The following SNX29 variants were observed in gnomAD, a reference collection of about 807,000 sequenced individuals.
SNX29 encodes sorting nexin-29.
A neutral mutation model predicts 102.1 loss-of-function variants in SNX29; 78 were observed. That is an observed-to-expected ratio of 0.76 (90% CI 0.64 to 0.92). The LOEUF is 0.92. Among genes scored for constraint, SNX29 ranks in the 40% least tolerant of loss-of-function variants. The pLI, the probability that SNX29 is intolerant of heterozygous loss-of-function variation, is 0.00. For missense variants in SNX29, 1,280 were observed against 1,061.7 expected (o/e 1.21, Z -2.86); for synonymous variants, 580 against 414.5 (o/e 1.40, Z -4.85).
intron 19 of SNX29, among the ~76,000 whole-genome samples, chr16:12,488,267 C>T (rs2088352538): frequency 2.0e-5 from 3 of 152,074 alleles, no homozygotes. Flanking sequence ...TGAAGAGACT[C>T]CTCTTGGTGG....
chr16:12,562,211 C>G (rs572087124), intron 20 of SNX29, among the ~76,000 whole-genome samples: 18 of 152,126 alleles, frequency 1.2e-4, no homozygotes, highest in Non-Finnish European at 1.9e-4. Context: ...GTGAACCCTG[C>G]TGGAGGTGGC....
chr16:12,030,147 C>T (rs560450415), intron 4 of SNX29, among the ~76,000 whole-genome samples: 1 of 152,280 alleles, frequency 6.6e-6, no homozygotes, highest in South Asian at 2.1e-4. Context: ...CTTTTCTGAT[C>T]CTTGTTGGCA....
chr16:12,118,307 G>C (rs71388721), intron 11 of SNX29, among the ~76,000 whole-genome samples: 1 of 120,032 alleles, frequency 8.3e-6, no homozygotes, highest in African/African-American at 3.7e-5. Flanking sequence ...TAGATATACA[G>C]ACCACCTTTT....
At chr16:12,027,690 G>T in intron 4 of SNX29, 1 of 345,080 alleles carries the variant, frequency 2.9e-6, no homozygotes, top group Non-Finnish European at 5.3e-6. Flanking sequence ...CTCTGGGTTC[G>T]GGGACCTGTA....
At chr16:12,155,023 G>A (rs1337497720) in intron 13 of SNX29, among the ~76,000 whole-genome samples, 3 of 152,118 alleles carry the variant, frequency 2.0e-5, no homozygotes, top group African/African-American at 2.4e-5. Flanking sequence ...AGAATGTCAC[G>A]GGAACAAGGC....
intron 16 of SNX29, among the ~76,000 whole-genome samples, chr16:12,394,729 G>A (rs1425185877): frequency 1.3e-5 from 2 of 152,216 alleles, no homozygotes; most frequent in Non-Finnish European, 2.9e-5. Flanking sequence ...GCACCTGAAG[G>A]CACTGAGGCT....
intron 18 of SNX29, among the ~76,000 whole-genome samples, chr16:12,412,007 A>G (rs2084415850): frequency 6.6e-6 from 1 of 152,214 alleles, no homozygotes; most frequent in South Asian, 2.1e-4. Context: ...CAAGGGCTTT[A>G]CATGGGCTGC....
chr16:12,147,759 G>T (rs958922952), intron 13 of SNX29, among the ~76,000 whole-genome samples: 2 of 152,136 alleles, frequency 1.3e-5, no homozygotes, highest in Non-Finnish European at 2.9e-5. Flanking sequence ...TTGCCTTTCC[G>T]GTACGGTTCA....
intron 16 of SNX29, among the ~76,000 whole-genome samples, chr16:12,361,363 T>C (rs1284576268): frequency 1.3e-5 from 2 of 152,264 alleles, no homozygotes; most frequent in Admixed American, 6.5e-5. Context: ...GTTGTCACTG[T>C]AGATAAATTT....
chr16:12,267,823 A>G lies in SNX29; in HGVS notation c.1679-10110A>G, dbSNP rs75199578. 7.5e-3 allele frequency among the ~76,000 whole-genome samples: 1,147 copies of G among 152,228 alleles called. 5 individuals are homozygous for G. The highest frequency in any genetic ancestry group is 0.012 in the Non-Finnish European group (837 of 68,018). ...GTGGAGTGATCCCTAAAAACGTCCA[A>G]TCATCGCACTTCTTCTGAATCCTCC... On this transcript the variant is annotated intron_variant, in intron 14 of 20. Coordinates refer to ENST00000566228, the MANE Select transcript of SNX29 (RefSeq NM_032167.5).
chr16:12,091,039 G>A (rs193251), intron 11 of SNX29, among the ~76,000 whole-genome samples: 24,540 of 108,122 alleles, frequency 0.23, 4,688 homozygotes, highest in African/African-American at 0.42. Flanking sequence ...AAAAAAAAAA[G>A]AAAGAAAAAG....
rs187981923 is a variant in SNX29, at chr16:12,158,037, A to G, written c.1595+28279A>G. ...GTATAAGTTCTCAGGTGCTAGGTAC[A>G]GTGACCAACTCCAGCTGACCGTGCA... On this transcript the variant is annotated intron_variant, in intron 13 of 20. Coordinates refer to ENST00000566228, the MANE Select transcript of SNX29 (RefSeq NM_032167.5). Among the ~76,000 whole-genome samples, 484 of 151,410 alleles carry G rather than the reference A, an allele frequency of 3.2e-3. 7 individuals are homozygous for G. The highest frequency in any genetic ancestry group is 0.012 in the South Asian group (55 of 4,764).
chr16:12,559,968 G>A (rs953369029), intron 20 of SNX29, among the ~76,000 whole-genome samples: 2 of 152,140 alleles, frequency 1.3e-5, no homozygotes, highest in African/African-American at 4.8e-5. Flanking sequence ...AACAGAGCAA[G>A]ACTCCACCAC....
chr16:12,546,146 C>G (rs559276685), intron 20 of SNX29: 3 of 152,312 alleles, frequency 2.0e-5, no homozygotes, highest in Non-Finnish European at 2.9e-5. Flanking sequence ...GAGCTAATAA[C>G]CTCCACCTGG....
chr16:12,309,241 G>A (rs1177312133), intron 15 of SNX29, among the ~76,000 whole-genome samples: 4 of 152,194 alleles, frequency 2.6e-5, no homozygotes, highest in Non-Finnish European at 5.9e-5. Flanking sequence ...TGGACAGAAC[G>A]CTGTGTTAGC....
At chr16:12,278,970 T>C (rs2079343310) in intron 15 of SNX29, among the ~76,000 whole-genome samples, 1 of 152,052 alleles carries the variant, frequency 6.6e-6, no homozygotes, top group Non-Finnish European at 1.5e-5. Flanking sequence ...AAAAAAAGGG[T>C]AATTCTTGGA....
chr16:12,061,361 G>C, intron 8 of SNX29, 167 bp from the exon 9 acceptor site: 2 of 609,104 alleles, frequency 3.3e-6, no homozygotes, highest in Non-Finnish European at 5.8e-6. Context: ...AAATGCAAGA[G>C]GTCTGGATCT....
intron 20 of SNX29, among the ~76,000 whole-genome samples, chr16:12,565,177 A>AC (rs1023053224): frequency 4.6e-5 from 7 of 151,184 alleles, no homozygotes; most frequent in African/African-American, 1.2e-4. Context: ...GTCCTACCCA[A>AC]CCCCCCACCT....
Position 12,013,908 on chromosome 16 carries a change from C to T in SNX29, c.122+10865C>T, listed in dbSNP as rs185924997. 1.7e-3 allele frequency among the ~76,000 whole-genome samples: 262 copies of T among 152,082 alleles called. 2 individuals are homozygous for T. Among genetic ancestry groups the T allele is most frequent in the Non-Finnish European group, 2.7e-3 (185 of 68,004 alleles). ...TCAGGCAATCTACCCGCTTCGGCCC[C>T]CCAAAGTGCTAGGATTACAGGCATA... On this transcript the variant is annotated intron_variant, in intron 3 of 20. Transcript: ENST00000566228.
Sources: allele counts gnomAD v4.1 joint callset (sites outside exome capture counted in the v4.1 genomes callset), GRCh38; gene constraint gnomAD v4.1.1; transcripts MANE v1.5; gene names NCBI Gene and HGNC (gene_info 2026-07-23, HGNC 2026-07-21).